TBXAS1: variants seen among roughly 807,000 people sequenced by gnomAD.
TBXAS1 encodes the protein thromboxane A synthase 1.
Under a neutral mutation model 60.7 loss-of-function variants are expected in TBXAS1, and 48 were observed. The observed-to-expected ratio is 0.79, with a 90% confidence interval of 0.63 to 1.01. TBXAS1 has a LOEUF of 1.01. TBXAS1 is among the 50% of genes least tolerant of loss of function. TBXAS1 has a pLI of 0.00. For synonymous variants in TBXAS1, 287 were observed against 269.7 expected, an observed-to-expected ratio of 1.06 and a Z score of -0.63; for missense variants, 685 against 686.3, an observed-to-expected ratio of 1.00 and a Z score of 0.02.
intron 1 of TBXAS1, among the ~76,000 whole-genome samples, chr7:139,867,032 C>A (rs1801467302): frequency 6.6e-6 from 1 of 152,188 alleles, no homozygotes; most frequent in Admixed American, 6.5e-5. Context: ...AATAAAGCTT[C>A]CGATGTGGCC....
intron 4 of TBXAS1, among the ~76,000 whole-genome samples, chr7:139,919,341 G>A (rs1471924639): frequency 6.6e-6 from 1 of 152,152 alleles, no homozygotes; most frequent in Non-Finnish European, 1.5e-5. Context: ...TATTTTTGCA[G>A]ACTAGTTGGC....
At chr7:139,875,250 T>C (rs533301203) in intron 2 of TBXAS1, among the ~76,000 whole-genome samples, 1 of 152,348 alleles carries the variant, frequency 6.6e-6, no homozygotes, top group African/African-American at 2.4e-5. Context: ...TTACATATAG[T>C]GGCAGTAAAA....
chr7:139,930,470 G>A (rs570047581), intron 4 of TBXAS1, among the ~76,000 whole-genome samples: 60 of 152,286 alleles, frequency 3.9e-4, no homozygotes, highest in Non-Finnish European at 5.3e-4. Flanking sequence ...CTGTAGAGAG[G>A]TCAAACCAGA....
intron 1 of TBXAS1, among the ~76,000 whole-genome samples, chr7:139,868,515 G>A (rs978390464): frequency 1.3e-5 from 2 of 149,936 alleles, no homozygotes; most frequent in Admixed American, 1.3e-4. Flanking sequence ...ACGGGGTTTT[G>A]CTCTGTTGCC....
At chr7:139,917,313 ATCT>A (rs1272593095) in intron 4 of TBXAS1, among the ~76,000 whole-genome samples, 4 of 152,002 alleles carry the variant, frequency 2.6e-5, no homozygotes, top group Non-Finnish European at 4.4e-5. Flanking sequence ...CTCTGCCGCA[ATCT>A]TCTTCTTATA....
intron 9 of TBXAS1, among the ~76,000 whole-genome samples, chr7:139,997,983 T>C (rs996568667): frequency 3.3e-5 from 5 of 152,114 alleles, no homozygotes; most frequent in African/African-American, 1.2e-4. Flanking sequence ...CAAATGTCCA[T>C]TGACAAGGAA....
chr7:139,797,305 G>C (rs1009252064), intron 4 of TBXAS1: 4 of 152,184 alleles, frequency 2.6e-5, no homozygotes, highest in African/African-American at 4.8e-5. Context: ...GTTCAGTGTT[G>C]TGTGTTCAAC....
At chr7:139,921,296 T>C (rs1806450954) in intron 4 of TBXAS1, among the ~76,000 whole-genome samples, 1 of 152,220 alleles carries the variant, frequency 6.6e-6, no homozygotes, top group Non-Finnish European at 1.5e-5. Flanking sequence ...TATAGATTTC[T>C]CTTTTCCTGC....
intron 1 of TBXAS1, among the ~76,000 whole-genome samples, chr7:139,843,421 C>A (rs1289387390): frequency 6.6e-6 from 1 of 152,136 alleles, no homozygotes; most frequent in Non-Finnish European, 1.5e-5. Flanking sequence ...CAGCTCACTG[C>A]AACCTCCGCC....
At chr7:139,978,775 C>CAAAAAAA (rs35583867) in intron 9 of TBXAS1, among the ~76,000 whole-genome samples, 28 of 90,872 alleles carry the variant, frequency 3.1e-4, no homozygotes, top group Non-Finnish European at 4.6e-4. Context: ...CCTGCCTCTA[C>CAAAAAAA]AAAAAAAAAA....
At chr7:139,946,060 T>C (rs1292177469) in intron 5 of TBXAS1, among the ~76,000 whole-genome samples, 3 of 152,198 alleles carry the variant, frequency 2.0e-5, no homozygotes, top group East Asian at 1.9e-4. Context: ...TGGCCAGGCA[T>C]GGTGGCTCAT....
At chr7:139,879,828 C>A (rs1311817398) in intron 3 of TBXAS1, among the ~76,000 whole-genome samples, 1 of 133,834 alleles carries the variant, frequency 7.5e-6, no homozygotes, top group Non-Finnish European at 1.6e-5. Context: ...CCCTTTATCT[C>A]ATTTTGTGTG....
chr7:139,966,210 T>C (rs559810154), intron 9 of TBXAS1, among the ~76,000 whole-genome samples: 5 of 152,342 alleles, frequency 3.3e-5, no homozygotes, highest in Middle Eastern at 3.4e-3. Flanking sequence ...ATTGCTTAAT[T>C]TGAGCTCTAG....
intron 1 of TBXAS1, among the ~76,000 whole-genome samples, chr7:139,858,643 C>A (rs1255087731): frequency 1.3e-5 from 2 of 152,180 alleles, no homozygotes; most frequent in East Asian, 3.9e-4. Flanking sequence ...ACTCCCCCAG[C>A]ACCATGCTTG....
chr7:140,015,644 ACT>A, intron 10 of TBXAS1, 77 bp from the exon 11 acceptor site: 1 of 1,538,768 alleles, frequency 6.5e-7, no homozygotes, highest in Middle Eastern at 2.1e-4. Context: ...TCACACTCAG[ACT>A]CTGCCTGCCC....
chr7:139,989,121 A>G (rs1812714704), intron 9 of TBXAS1, among the ~76,000 whole-genome samples: 1 of 152,224 alleles, frequency 6.6e-6, no homozygotes, highest in African/African-American at 2.4e-5. Context: ...GCAGAAATCA[A>G]CAACACGTGG....
chr7:139,781,676 A>C (rs1453620502), intron 2 of TBXAS1, among the ~76,000 whole-genome samples: 1 of 152,038 alleles, frequency 6.6e-6, no homozygotes, highest in Non-Finnish European at 1.5e-5. Context: ...TACTAAAAAC[A>C]CAAAAAAAAT....
intron 9 of TBXAS1, among the ~76,000 whole-genome samples, chr7:139,988,091 G>T (rs1812634998): frequency 6.6e-6 from 1 of 152,274 alleles, no homozygotes; most frequent in African/African-American, 2.4e-5. Flanking sequence ...CCAGCAGGAC[G>T]CCAGGGGACA....
intron 9 of TBXAS1, among the ~76,000 whole-genome samples, chr7:139,986,722 CATATATATATATATAT>C (rs1430609067): frequency 1.5e-5 from 1 of 66,100 alleles, no homozygotes; most frequent in Non-Finnish European, 2.7e-5. Flanking sequence ...AGTATTCCAT[CATATATATATATATAT>C]ACATACATAT....
Sources: gnomAD v4.1 joint callset for allele counts (sites outside exome capture counted in the v4.1 genomes callset) on GRCh38, gnomAD v4.1.1 for gene constraint, MANE v1.5 for transcripts, NCBI Gene and HGNC (gene_info 2026-07-23, HGNC 2026-07-21) for gene names.